The following CATSPERE variants were observed in gnomAD, a reference collection of about 807,000 sequenced individuals.
CATSPERE encodes the protein cation channel sperm-associated auxiliary subunit epsilon.
CATSPERE carries 93 observed loss-of-function variants against 114.1 expected under a neutral mutation model. The ratio of observed to expected loss-of-function variants is 0.81; its 90% CI spans 0.69 to 0.97. The LOEUF (loss-of-function observed/expected upper bound fraction) is 0.97, where lower values mean the gene tolerates loss of function less well. CATSPERE is among the 50% of genes least tolerant of loss of function. The pLI, the probability that CATSPERE is intolerant of heterozygous loss-of-function variation, is 0.00. For synonymous variants in CATSPERE, 341 were observed against 384.1 expected (o/e 0.89, Z 1.31); for missense variants, 1,058 against 1,131.6 (o/e 0.93, Z 0.93).
intron 7 of CATSPERE, among the ~76,000 whole-genome samples, chr1:244,506,140 A>T (rs1674783280): frequency 2.0e-5 from 3 of 152,216 alleles, no homozygotes; most frequent in African/African-American, 7.2e-5. Context: ...ATCATACAAT[A>T]TTTTTGACCT....
chr1:244,615,799 C>T (rs913979836), intron 19 of CATSPERE, among the ~76,000 whole-genome samples: 2 of 151,764 alleles, frequency 1.3e-5, no homozygotes, highest in Non-Finnish European at 2.9e-5. Context: ...AACTGTACCT[C>T]GCATCTGAAT....
At chr1:244,454,703 A>C (rs3127468) in intron 1 of CATSPERE, 1 of 151,478 alleles carries the variant, frequency 6.6e-6, no homozygotes, top group African/African-American at 2.4e-5. Context: ...AGGGTTTGAT[A>C]AATGGAAAAA....
intron 20 of CATSPERE, among the ~76,000 whole-genome samples, chr1:244,622,120 C>A (rs892145889): frequency 6.6e-6 from 1 of 152,174 alleles, no homozygotes; most frequent in Non-Finnish European, 1.5e-5. Flanking sequence ...CTATTCTGTA[C>A]CCTGTGGCCT....
At chr1:244,540,354 T>C in intron 8 of CATSPERE, among the ~76,000 whole-genome samples, 1 of 25,800 alleles carries the variant, frequency 3.9e-5, no homozygotes, top group African/African-American at 6.4e-5. Context: ...AGCATTCTTA[T>C]ACACCAATAA....
At chr1:244,531,919 A>G (rs1229646044) in intron 8 of CATSPERE, among the ~76,000 whole-genome samples, 2 of 152,094 alleles carry the variant, frequency 1.3e-5, no homozygotes, top group Admixed American at 6.6e-5. Context: ...AGTTCTTTAA[A>G]TGTTTGCTGA....
intron 7 of CATSPERE, among the ~76,000 whole-genome samples, chr1:244,518,374 C>T (rs1045057722): frequency 2.6e-5 from 4 of 152,084 alleles, no homozygotes; most frequent in Non-Finnish European, 4.4e-5. Flanking sequence ...GAGTTTTTGA[C>T]GAGTTGGAAA....
rs371583080 is a variant in CATSPERE at position 244,572,317 on chromosome 1, C to G, written c.1508-13C>G. 1.2e-5 allele frequency: 16 copies of G among 1,293,292 alleles called. No homozygotes were observed. The highest frequency in any genetic ancestry group is 1.6e-5 in the Non-Finnish European group (15 of 933,992). 80.1% of individuals were successfully genotyped at this position (1,293,292 alleles called of 1,614,324 possible). A position where few individuals can be genotyped will look rare whatever the true frequency, so the allele number is the denominator to read the frequency against. On this transcript the variant is annotated splice_polypyrimidine_tract_variant and intron_variant, in intron 10 of 21. Transcript: ENST00000366534. The stretch of plus-strand genomic sequence containing the variant: ...GTTACTTAGACTAACACAAACTTTT[C>G]TCTTTTTTCCAGATTATTATGGAGA...
At chr1:244,518,148 C>G (rs1676943226) in intron 7 of CATSPERE, among the ~76,000 whole-genome samples, 1 of 152,156 alleles carries the variant, frequency 6.6e-6, no homozygotes, top group South Asian at 2.1e-4. Flanking sequence ...TCAGATCTAT[C>G]TGATTTCTAA....
At chr1:244,637,200 C>A (rs2813905) in intron 21 of CATSPERE, among the ~76,000 whole-genome samples, 151,370 of 152,178 alleles carry the variant, frequency 0.99, 75,291 homozygotes, top group Middle Eastern at 1. Context: ...AACACAAAAC[C>A]TACCCGATCC....
At chr1:244,494,399 C>T (rs1181195873) in intron 6 of CATSPERE, among the ~76,000 whole-genome samples, 1 of 134,746 alleles carries the variant, frequency 7.4e-6, no homozygotes, top group African/African-American at 2.9e-5. Flanking sequence ...GGGAATTGAA[C>T]AATGAGAACA....
intron 2 of CATSPERE, among the ~76,000 whole-genome samples, chr1:244,465,297 G>A (rs752512007): frequency 7.2e-5 from 11 of 152,112 alleles, no homozygotes; most frequent in Non-Finnish European, 1.5e-4. Flanking sequence ...GCCTCCCAAA[G>A]TGCTGGGATT....
At position 244,580,780 on chromosome 1, in the gene CATSPERE, C is replaced by G. The variant is rs1479555966; in HGVS notation, c.1951-1016C>G. Among the ~76,000 whole-genome samples, 9 of 152,124 alleles carry G rather than the reference C, an allele frequency of 5.9e-5. No homozygotes were observed. In the South Asian group the frequency reaches 1.9e-3, roughly 32 times the overall value. On this transcript the variant is annotated intron_variant, in intron 11 of 21. Coordinates refer to ENST00000366534, the MANE Select transcript of CATSPERE (RefSeq NM_001130957.2). ...CTCTGGGAGGCCGAGGCAGGTGGAT[C>G]GCCTGAGGTCGGGAGTTCAAGACCA...
intron 19 of CATSPERE, among the ~76,000 whole-genome samples, chr1:244,616,602 CGAGGGAGGCTG>C (rs930719435): frequency 1.3e-5 from 2 of 152,058 alleles, no homozygotes; most frequent in Non-Finnish European, 1.5e-5. Context: ...AGAGGGCAGG[CGAGGGAGGCTG>C]AACTCATCCT....
chr1:244,473,657 T>G (rs1668828673), intron 2 of CATSPERE, among the ~76,000 whole-genome samples: 1 of 152,260 alleles, frequency 6.6e-6, no homozygotes, highest in South Asian at 2.1e-4. Context: ...CTTTTTGTGA[T>G]GTATCTAAGA....
At chr1:244,558,269 T>G (rs192259207) in intron 9 of CATSPERE, among the ~76,000 whole-genome samples, 1 of 151,520 alleles carries the variant, frequency 6.6e-6, no homozygotes, top group Non-Finnish European at 1.5e-5. Flanking sequence ...CAGCCTCACG[T>G]GTAGCTGGGA....
chr1:244,465,336 G>T (rs1207938377), intron 2 of CATSPERE, among the ~76,000 whole-genome samples: 1 of 151,672 alleles, frequency 6.6e-6, no homozygotes, highest in African/African-American at 2.4e-5. Context: ...GCCTGTCCAG[G>T]GCTCTTATTT....
At chr1:244,457,310 A>C (rs1666248676), upstream of CATSPERE, among the ~76,000 whole-genome samples, 1 of 152,224 alleles carries the variant, frequency 6.6e-6, no homozygotes, top group South Asian at 2.1e-4. Flanking sequence ...GGTTCTATAA[A>C]GTTTATGAAA....
intron 8 of CATSPERE, among the ~76,000 whole-genome samples, chr1:244,527,952 G>C (rs1305838404): frequency 6.6e-6 from 1 of 152,030 alleles, no homozygotes; most frequent in Non-Finnish European, 1.5e-5. Flanking sequence ...TGCCCAAGCT[G>C]GTCTTTATTT....
At chr1:244,474,068 G>C (rs1668889620) in intron 2 of CATSPERE, among the ~76,000 whole-genome samples, 1 of 151,260 alleles carries the variant, frequency 6.6e-6, no homozygotes, top group Non-Finnish European at 1.5e-5. Context: ...GTCCCGCCCT[G>C]TCACCCAGAC....
Sources: allele counts gnomAD v4.1 joint callset (sites outside exome capture counted in the v4.1 genomes callset), GRCh38; gene constraint gnomAD v4.1.1; transcripts MANE v1.5; gene names NCBI Gene and HGNC (gene_info 2026-07-23, HGNC 2026-07-21).